The following ROBO2 variants were observed in gnomAD, a reference collection of about 807,000 sequenced individuals.
The protein encoded by ROBO2 is roundabout guidance receptor 2.
In ROBO2, 53 loss-of-function variants were observed where a neutral mutation model predicts 160.8. That is an observed-to-expected ratio of 0.33 (90% CI 0.26 to 0.41). The LOEUF is 0.41. ROBO2 is among the 10% of genes least tolerant of loss of function. The probability of loss-of-function intolerance (pLI) is 1.00; values close to 1 mark genes in which losing one functional copy is unlikely to be tolerated. For missense variants in ROBO2, 1,577 were observed against 1,722.4 expected, an observed-to-expected ratio of 0.92 and a Z score of 1.49; for synonymous variants, 664 against 611.7, an observed-to-expected ratio of 1.09 and a Z score of -1.26.
intron 2 of ROBO2, among the ~76,000 whole-genome samples, chr3:76,829,857 G>A (rs747604291): frequency 2.4e-4 from 37 of 151,850 alleles, no homozygotes; most frequent in South Asian, 6.2e-4. Flanking sequence ...TAGTACAGAC[G>A]GGGTTTCACC....
At chr3:76,426,949 A>T (rs930516377) in intron 2 of ROBO2, among the ~76,000 whole-genome samples, 1 of 152,134 alleles carries the variant, frequency 6.6e-6, no homozygotes, top group Non-Finnish European at 1.5e-5. Flanking sequence ...CAGAAGAGGA[A>T]TTAGACTCCA....
At chr3:76,617,750 C>A (rs1423155912) in intron 2 of ROBO2, among the ~76,000 whole-genome samples, 2 of 151,964 alleles carry the variant, frequency 1.3e-5, no homozygotes, top group African/African-American at 4.8e-5. Context: ...CAAGACTATG[C>A]AATTTATAAA....
At chr3:77,029,502 A>C (rs1335018654) in intron 2 of ROBO2, among the ~76,000 whole-genome samples, 1 of 152,218 alleles carries the variant, frequency 6.6e-6, no homozygotes, top group Non-Finnish European at 1.5e-5. Flanking sequence ...AAACGACTTA[A>C]GTCTTCTATT....
At chr3:77,469,793 G>T (rs1445994061) in intron 2 of ROBO2, among the ~76,000 whole-genome samples, 1 of 152,050 alleles carries the variant, frequency 6.6e-6, no homozygotes, top group East Asian at 1.9e-4. Context: ...AAACACTGTG[G>T]TCTATTTTAT....
intron 17 of ROBO2, among the ~76,000 whole-genome samples, chr3:77,589,456 T>C (rs1456650840): frequency 1.3e-5 from 2 of 152,076 alleles, no homozygotes; most frequent in Non-Finnish European, 2.9e-5. Flanking sequence ...ATGAATTAAG[T>C]GATTTACTGT....
chr3:76,842,343 T>C (rs916115734), intron 2 of ROBO2, among the ~76,000 whole-genome samples: 1 of 152,176 alleles, frequency 6.6e-6, no homozygotes, highest in East Asian at 1.9e-4. Context: ...AATTATTATT[T>C]GGTTGAATTT....
chr3:76,017,536 T>C (rs2066438188), intron 2 of ROBO2, among the ~76,000 whole-genome samples: 1 of 152,162 alleles, frequency 6.6e-6, no homozygotes, highest in South Asian at 2.1e-4. Flanking sequence ...CTTTGAAATG[T>C]AGGCAAATAT....
intron 16 of ROBO2, among the ~76,000 whole-genome samples, chr3:77,585,541 A>G (rs2094023770): frequency 6.6e-6 from 1 of 152,032 alleles, no homozygotes; most frequent in African/African-American, 2.4e-5. Flanking sequence ...TAATATATCT[A>G]TCTTTTGTTC....
intron 2 of ROBO2, among the ~76,000 whole-genome samples, chr3:76,949,019 G>C (rs189987933): frequency 6.8e-6 from 1 of 147,928 alleles, no homozygotes; most frequent in Non-Finnish European, 1.5e-5. Context: ...CCAAAGTGCT[G>C]GGATTACAGG....
chr3:75,955,164 G>T (rs1429689049), intron 2 of ROBO2, among the ~76,000 whole-genome samples: 1 of 151,708 alleles, frequency 6.6e-6, no homozygotes, highest in Non-Finnish European at 1.5e-5. Context: ...ATAACTTAGT[G>T]GTAGCTATAT....
At chr3:77,024,559 T>C (rs1361450779) in intron 2 of ROBO2, among the ~76,000 whole-genome samples, 3 of 152,124 alleles carry the variant, frequency 2.0e-5, no homozygotes, top group African/African-American at 4.8e-5. Flanking sequence ...TTAAAACTAA[T>C]GTTAGGGATT....
chr3:77,647,955 G>C (rs1234052856), exon 26 of ROBO2: 1 of 152,120 alleles, frequency 6.6e-6, no homozygotes, highest in Non-Finnish European at 1.5e-5. Context: ...GGCAAGTATA[G>C]AATGTAATGT....
Position 76,389,053 on chromosome 3 carries a change from C to T in ROBO2, c.109+451451C>T, listed in dbSNP as rs969679511. ...ACTATACATAGAAAAGGTTATTGCC[C>T]TGAAGTTAGAAAACACATTTGAAAA... On this transcript the variant is annotated intron_variant, in intron 2 of 26. Transcript: ENST00000487694. Among the ~76,000 whole-genome samples the T allele has an allele frequency of 2.6e-5, 4 of 152,250 alleles. No individual in the cohort carries two copies. In the South Asian group the frequency reaches 8.3e-4, roughly 32 times the overall value.
chr3:76,415,676 GACT>G (rs2075727391), intron 2 of ROBO2, among the ~76,000 whole-genome samples: 1 of 152,086 alleles, frequency 6.6e-6, no homozygotes, highest in Non-Finnish European at 1.5e-5. Flanking sequence ...ATGAAAAATG[GACT>G]ACATTTCTTA....
intron 2 of ROBO2, among the ~76,000 whole-genome samples, chr3:77,222,721 T>C (rs1396423845): frequency 6.6e-6 from 1 of 152,238 alleles, no homozygotes; most frequent in Non-Finnish European, 1.5e-5. Flanking sequence ...TTAAACATTT[T>C]TCCTTTATTT....
chr3:76,961,639 TG>T (rs2079670666), intron 2 of ROBO2, among the ~76,000 whole-genome samples: 1 of 152,172 alleles, frequency 6.6e-6, no homozygotes, highest in Non-Finnish European at 1.5e-5. Flanking sequence ...TCTAGTTACA[TG>T]GCTTGGGTTA....
chr3:76,491,928 C>T (rs1015142877), intron 2 of ROBO2, among the ~76,000 whole-genome samples: 1 of 152,094 alleles, frequency 6.6e-6, no homozygotes, highest in East Asian at 1.9e-4. Context: ...AACCCAGTCT[C>T]TACTAAAAAT....
intron 2 of ROBO2, among the ~76,000 whole-genome samples, chr3:76,619,044 G>A (rs2088832867): frequency 6.6e-6 from 1 of 151,544 alleles, no homozygotes; most frequent in Admixed American, 6.6e-5. Context: ...GAGAGAAAAA[G>A]GAAAGAAAAA....
chr3:77,351,514 T>C (rs1468671060), intron 2 of ROBO2, among the ~76,000 whole-genome samples: 1 of 151,942 alleles, frequency 6.6e-6, no homozygotes, highest in Non-Finnish European at 1.5e-5. Context: ...TCGGCAAAAA[T>C]GAAGGAAAAA....
Sources: gnomAD v4.1 joint callset for allele counts (sites outside exome capture counted in the v4.1 genomes callset) on GRCh38, gnomAD v4.1.1 for gene constraint, MANE v1.5 for transcripts, NCBI Gene and HGNC (gene_info 2026-07-23, HGNC 2026-07-21) for gene names.